The following FGF14 variants were observed in gnomAD, a reference collection of about 807,000 sequenced individuals.
FGF14 encodes fibroblast growth factor homologous factor 4.
FGF14 carries 5 observed loss-of-function variants against 25.5 expected under a neutral mutation model. The observed-to-expected ratio is 0.20, with a 90% CI of 0.10 to 0.41. FGF14 has a LOEUF of 0.41. Among genes scored for constraint, FGF14 ranks in the 10% least tolerant of loss-of-function variants. The probability of loss-of-function intolerance (pLI) is 1.00; values close to 1 mark genes in which losing one functional copy is unlikely to be tolerated. For missense variants in FGF14, 222 were observed against 320.1 expected, an observed-to-expected ratio of 0.69 and a Z score of 2.34; for synonymous variants, 138 against 118.3, an observed-to-expected ratio of 1.17 and a Z score of -1.08.
At chr13:101,737,476 T>C (rs1019942727) in intron 3 of FGF14, among the ~76,000 whole-genome samples, 3 of 152,328 alleles carry the variant, frequency 2.0e-5, no homozygotes, top group South Asian at 2.1e-4. Context: ...TTAGGAGATA[T>C]CAATTTTGTG....
At chr13:102,073,514 G>A (rs1358562169) in intron 1 of FGF14, among the ~76,000 whole-genome samples, 2 of 152,198 alleles carry the variant, frequency 1.3e-5, no homozygotes, top group Non-Finnish European at 2.9e-5. Flanking sequence ...TTGGGATCCT[G>A]TGCCAAGAAA....
chr13:102,151,536 G>A (rs2047086070), intron 1 of FGF14, among the ~76,000 whole-genome samples: 1 of 152,138 alleles, frequency 6.6e-6, no homozygotes, highest in Admixed American at 6.5e-5. Flanking sequence ...TTTCACTCTT[G>A]TTGTCCAGCT....
intron 1 of FGF14, among the ~76,000 whole-genome samples, chr13:102,130,661 T>TA (rs2046157641): frequency 6.6e-6 from 1 of 151,958 alleles, no homozygotes; most frequent in Admixed American, 6.6e-5. Context: ...AGGTAGAAAA[T>TA]AAAAAACAAG....
chr13:102,267,247 G>A (rs191221301), intron 1 of FGF14, among the ~76,000 whole-genome samples: 9 of 152,160 alleles, frequency 5.9e-5, no homozygotes, highest in African/African-American at 9.6e-5. Context: ...CACCCTAGTC[G>A]GGGAGCTTCT....
intron 3 of FGF14, among the ~76,000 whole-genome samples, chr13:101,776,997 C>T (rs2039158066): frequency 6.6e-6 from 1 of 152,152 alleles, no homozygotes; most frequent in Non-Finnish European, 1.5e-5. Flanking sequence ...AGGTGTCACC[C>T]TCATGACCTA....
intron 1 of FGF14, among the ~76,000 whole-genome samples, chr13:102,021,495 T>C (rs967014600): frequency 1.3e-5 from 2 of 151,906 alleles, no homozygotes; most frequent in Non-Finnish European, 2.9e-5. Flanking sequence ...TCTTTCTTGG[T>C]GGTGCCCTTT....
At chr13:102,348,468 C>T (rs765670227) in intron 1 of FGF14, among the ~76,000 whole-genome samples, 2 of 152,118 alleles carry the variant, frequency 1.3e-5, no homozygotes, top group African/African-American at 2.4e-5. Context: ...TTAAGGAAGA[C>T]AATTAAGGAC....
At position 101,720,163 on chromosome 13, in the gene FGF14, A is replaced by G. The variant is rs1340812369; in HGVS notation, c.*2668T>C. On this transcript the variant is annotated 3_prime_UTR_variant, in exon 5 of 5. Transcript: ENST00000376143. ...CAAACTCTTTGTATGCAAATTAGCA[A>G]TACATACCAACAGTTCTTGATACAC... is the stretch of plus-strand genomic sequence containing the variant. The G allele has an allele frequency of 6.6e-6, 1 of 152,116 alleles. No individual in the cohort carries two copies. The highest frequency in any genetic ancestry group is 1.5e-5 in the Non-Finnish European group (1 of 68,004). The allele number at this position is 152,116 out of a possible 1,614,324, so 9.4% of individuals were successfully genotyped here. A position where few individuals can be genotyped will look rare whatever the true frequency, so the allele number is the denominator to read the frequency against.
intron 1 of FGF14, among the ~76,000 whole-genome samples, chr13:102,383,077 T>A (rs747825527): frequency 5.9e-5 from 9 of 152,132 alleles, no homozygotes; most frequent in Non-Finnish European, 1.2e-4. Flanking sequence ...AATTGTATAC[T>A]TTAAAAGGGT....
chr13:101,857,878 CAT>C (rs2044208962), intron 3 of FGF14, among the ~76,000 whole-genome samples: 1 of 151,602 alleles, frequency 6.6e-6, no homozygotes, highest in Non-Finnish European at 1.5e-5. Flanking sequence ...AAACAAACAA[CAT>C]AAAAAAGAAA....
chr13:102,119,767 T>A (rs998052026), intron 1 of FGF14, among the ~76,000 whole-genome samples: 1 of 152,232 alleles, frequency 6.6e-6, no homozygotes, highest in Non-Finnish European at 1.5e-5. Context: ...TAACAATCAT[T>A]GAAGCTGGAT....
chr13:101,996,350 A>G (rs954820723), intron 1 of FGF14, among the ~76,000 whole-genome samples: 1 of 152,102 alleles, frequency 6.6e-6, no homozygotes, highest in Non-Finnish European at 1.5e-5. Flanking sequence ...TGAGGAGGGT[A>G]GTGACTAATT....
intron 1 of FGF14, among the ~76,000 whole-genome samples, chr13:102,349,215 A>C (rs1358292626): frequency 1.3e-5 from 2 of 152,176 alleles, no homozygotes; most frequent in Non-Finnish European, 2.9e-5. Flanking sequence ...GTTGCCCCGG[A>C]AACTACATTC....
At chr13:102,191,463 A>G (rs752142335) in intron 1 of FGF14, among the ~76,000 whole-genome samples, 1 of 152,168 alleles carries the variant, frequency 6.6e-6, no homozygotes, top group Non-Finnish European at 1.5e-5. Context: ...ACATGCAGAG[A>G]CAGAGCAACA....
intron 1 of FGF14, among the ~76,000 whole-genome samples, chr13:102,099,150 A>G (rs1301155647): frequency 1.3e-5 from 2 of 152,156 alleles, no homozygotes; most frequent in East Asian, 1.9e-4. Context: ...GTCTTCTCCA[A>G]TTGACCATAC....
intron 1 of FGF14, among the ~76,000 whole-genome samples, chr13:101,945,202 C>T (rs1426619593): frequency 6.6e-6 from 1 of 152,040 alleles, no homozygotes; most frequent in Non-Finnish European, 1.5e-5. Flanking sequence ...ACTGTAATCC[C>T]AGCTACTTGG....
intron 1 of FGF14, among the ~76,000 whole-genome samples, chr13:101,966,395 C>T (rs2037195856): frequency 6.6e-6 from 1 of 152,216 alleles, no homozygotes; most frequent in South Asian, 2.1e-4. Context: ...CAAATACAGA[C>T]TCTGGAGGGA....
At chr13:102,031,478 T>G (rs997404609) in intron 1 of FGF14, among the ~76,000 whole-genome samples, 3 of 152,118 alleles carry the variant, frequency 2.0e-5, no homozygotes, top group Admixed American at 6.6e-5. Flanking sequence ...CCATGCTTTT[T>G]TCACTAAAAG....
intron 1 of FGF14, among the ~76,000 whole-genome samples, chr13:102,189,000 GAA>G (rs1163699889): frequency 1.3e-5 from 1 of 77,484 alleles, no homozygotes; most frequent in Non-Finnish European, 2.4e-5. Context: ...AAGAAAGAAA[GAA>G]AGAAAGAGAA....
Sources: allele counts gnomAD v4.1 joint callset (sites outside exome capture counted in the v4.1 genomes callset), GRCh38; gene constraint gnomAD v4.1.1; transcripts MANE v1.5; gene names NCBI Gene and HGNC (gene_info 2026-07-23, HGNC 2026-07-21).